The following MBTPS1 variants were observed in gnomAD, a reference collection of about 807,000 sequenced individuals.
MBTPS1 encodes membrane bound transcription factor peptidase, site 1.
A neutral mutation model predicts 127.8 loss-of-function variants in MBTPS1; 94 were observed. That is an observed-to-expected ratio of 0.74 (90% CI 0.62 to 0.87). MBTPS1 has a LOEUF of 0.87. MBTPS1 is among the 40% of genes least tolerant of loss of function. The pLI, the probability that MBTPS1 is intolerant of heterozygous loss-of-function variation, is 0.00. For synonymous variants in MBTPS1, 632 were observed against 509.4 expected, an observed-to-expected ratio of 1.24 and a Z score of -3.24; for missense variants, 1,636 against 1,353.2, an observed-to-expected ratio of 1.21 and a Z score of -3.28.
intron 1 of MBTPS1, among the ~76,000 whole-genome samples, chr16:84,114,852 G>A (rs180698759): frequency 6.9e-6 from 1 of 144,182 alleles, no homozygotes; most frequent in East Asian, 2.0e-4. Context: ...TAAATAAAGC[G>A]TTTCCTCAAG....
intron 10 of MBTPS1, among the ~76,000 whole-genome samples, chr16:84,083,251 T>G (rs113715562): frequency 1.1e-4 from 16 of 152,274 alleles, no homozygotes; most frequent in African/African-American, 3.8e-4. Flanking sequence ...ACAGGCCAGG[T>G]AGCCCACTAT....
intron 12 of MBTPS1, 69 bp downstream of exon 12, chr16:84,074,528 T>C (rs2085822604): frequency 2.0e-6 from 3 of 1,493,228 alleles, no homozygotes; most frequent in African/African-American, 1.4e-5. Flanking sequence ...GAAGTAACTA[T>C]GGCCTAAAGG....
At chr16:84,074,425 G>T (rs1383839417) in intron 12 of MBTPS1, among the ~76,000 whole-genome samples, 172 bp downstream of exon 12, 1 of 152,122 alleles carries the variant, frequency 6.6e-6, no homozygotes, top group Non-Finnish European at 1.5e-5. Context: ...TGTAGAGACA[G>T]GTCTCACTTT....
At position 84,101,831 on chromosome 16, in the gene MBTPS1, T is replaced by C. The variant is rs1378790549; in HGVS notation, c.-48A>G. ...AAAATTGCATATATTCAAATCACAC[T>C]TTTTTCTTCTTGATTAAAAGTGAAT... On this transcript the variant is annotated 5_prime_UTR_variant, in exon 2 of 23. Coordinates refer to ENST00000343411, the MANE Select transcript of MBTPS1 (RefSeq NM_003791.4). 6.5e-7 allele frequency: 1 copy of C among 1,545,256 alleles called. No individual in the cohort carries two copies. Among genetic ancestry groups the C allele is most frequent in the South Asian group, 1.2e-5 (1 of 85,258 alleles).
chr16:84,060,602 A>G, intron 20 of MBTPS1, 80 bp downstream of exon 20: 2 of 1,515,622 alleles, frequency 1.3e-6, no homozygotes, highest in African/African-American at 1.4e-5. Flanking sequence ...ACTTGCTGGC[A>G]GGCACAGCCA....
intron 8 of MBTPS1, among the ~76,000 whole-genome samples, chr16:84,089,432 A>C (rs928410078): frequency 6.6e-6 from 1 of 152,226 alleles, no homozygotes; most frequent in African/African-American, 2.4e-5. Flanking sequence ...CTTGAAAAAC[A>C]AAAGAAAAAT....
Position 84,091,734 on chromosome 16 carries a change from T to C in MBTPS1, c.961A>G (p.Lys321Glu). The C allele has an allele frequency of 6.2e-7, 1 of 1,611,446 alleles. No homozygotes were observed. Among genetic ancestry groups the C allele is most frequent in the Non-Finnish European group, 8.5e-7 (1 of 1,177,688 alleles). The change falls in exon 7 of 23, where the codon AAG (lysine) becomes GAG (glutamate). Residue 321 changes from lysine (K) to glutamate (E), a missense_variant and splice_region_variant. Lys to Glu is a moderately conservative substitution (Grantham distance 56). Coordinates refer to ENST00000343411, the MANE Select transcript of MBTPS1 (RefSeq NM_003791.4). ...CCGTGTGCAGTGACTCCACAAACCT[T>C]GTCAACAAACGGATGATCCATGAAG... ...PDFMDHPFVD[K>E]VWELTANNVI...
intron 21 of MBTPS1, 198 bp from the exon 22 acceptor site, chr16:84,056,333 C>T: frequency 1.9e-6 from 1 of 522,750 alleles, no homozygotes; most frequent in Non-Finnish European, 3.4e-6. Context: ...GGAGAAAGAT[C>T]AAAATCAAGT....
chr16:84,055,548 G>A (rs2085509959), intron 22 of MBTPS1, among the ~76,000 whole-genome samples: 1 of 152,176 alleles, frequency 6.6e-6, no homozygotes, highest in Admixed American at 6.5e-5. Flanking sequence ...ACACACCCCA[G>A]CTCAGTCAAG....
intron 1 of MBTPS1, among the ~76,000 whole-genome samples, chr16:84,109,166 G>A (rs762682750): frequency 3.9e-5 from 6 of 152,134 alleles, no homozygotes; most frequent in Admixed American, 1.3e-4. Context: ...GTCTGGGTAC[G>A]GTAAGAACAA....
chr16:84,102,597 C>A (rs2086272497), intron 1 of MBTPS1, among the ~76,000 whole-genome samples: 2 of 152,156 alleles, frequency 1.3e-5, no homozygotes, highest in African/African-American at 2.4e-5. Context: ...TCAGGATGAT[C>A]CTTTGTTCTG....
At chr16:84,096,931 G>A (rs2086186421) in intron 3 of MBTPS1, among the ~76,000 whole-genome samples, 1 of 152,176 alleles carries the variant, frequency 6.6e-6, no homozygotes. Flanking sequence ...TCAGTTCAGG[G>A]CTTCACAGCT....
At chr16:84,079,483 G>GA (rs1205777547) in intron 11 of MBTPS1, among the ~76,000 whole-genome samples, 4 of 151,992 alleles carry the variant, frequency 2.6e-5, no homozygotes, top group South Asian at 2.1e-4. Context: ...CTAAGTAACT[G>GA]AAAAAAACAC....
Position 84,067,847 on chromosome 16 carries a change from G to A in MBTPS1, c.2072-24C>T, listed in dbSNP as rs762440972. 5.6e-6 allele frequency: 9 copies of A among 1,594,094 alleles called. No individual in the cohort carries two copies. The Admixed American group carries it at 8.5e-5, about 15-fold the overall frequency. The stretch of plus-strand genomic sequence containing the variant: ...GCCTGATGAACAAAGAACCAAAGCT[G>A]GGAACTGTCACTTCTGAATGACAGG... On this transcript the variant is annotated intron_variant, in intron 15 of 22. Coordinates refer to ENST00000343411, the MANE Select transcript of MBTPS1 (RefSeq NM_003791.4).
chr16:84,099,960 G>C (rs1285952154), intron 2 of MBTPS1, among the ~76,000 whole-genome samples: 1 of 152,210 alleles, frequency 6.6e-6, no homozygotes, highest in African/African-American at 2.4e-5. Flanking sequence ...TGCTCAGTTA[G>C]TGTTTCTTAA....
Position 84,055,997 on chromosome 16 carries a change from G to T in MBTPS1, c.2962+8C>A, listed in dbSNP as rs1209858875. 4.4e-6 allele frequency: 7 copies of T among 1,609,152 alleles called. No individual in the cohort carries two copies. The highest frequency in any genetic ancestry group is 5.9e-6 in the Non-Finnish European group (7 of 1,176,906). On this transcript the variant is annotated splice_region_variant and intron_variant, in intron 22 of 22. Coordinates refer to ENST00000343411, the MANE Select transcript of MBTPS1 (RefSeq NM_003791.4). ...CTGAGCACAATCACAAAGCAGCCGA[G>T]AACTCACCTCCAGGAATGTCCCAGG...
At chr16:84,094,383 A>T (rs918440181) in intron 4 of MBTPS1, among the ~76,000 whole-genome samples, 3 of 152,240 alleles carry the variant, frequency 2.0e-5, no homozygotes, top group Non-Finnish European at 4.4e-5. Context: ...ACATGCGGCT[A>T]ATCACACCTA....
intron 22 of MBTPS1, 50 bp from the exon 23 acceptor site, chr16:84,054,695 T>C (rs765066161): frequency 3.5e-6 from 5 of 1,415,888 alleles, no homozygotes; most frequent in Admixed American, 4.8e-5. Context: ...AGAGCTACCA[T>C]GACGGCCTTT....
intron 6 of MBTPS1, among the ~76,000 whole-genome samples, 173 bp from the exon 7 acceptor site, chr16:84,092,021 C>T (rs931977974): frequency 6.6e-6 from 1 of 152,060 alleles, no homozygotes. Flanking sequence ...TAAAATACAA[C>T]ACGTAGAAGT....
Sources: allele counts gnomAD v4.1 joint callset (sites outside exome capture counted in the v4.1 genomes callset), GRCh38; gene constraint gnomAD v4.1.1; transcripts MANE v1.5; gene names NCBI Gene and HGNC (gene_info 2026-07-23, HGNC 2026-07-21).